Variants in GRM5 observed in about 807,000 individuals in gnomAD.
GRM5 encodes the protein metabotropic glutamate receptor 5.
A neutral mutation model predicts 83.1 loss-of-function variants in GRM5; 19 were observed. The observed-to-expected ratio is 0.23, with a 90% CI of 0.16 to 0.34. The LOEUF is 0.34. Among genes scored for constraint, GRM5 ranks in the 10% least tolerant of loss-of-function variants. GRM5 has a pLI of 1.00. For synonymous variants in GRM5, 675 were observed against 633.6 expected (o/e 1.07, Z -0.98); for missense variants, 1,160 against 1,588.3 (o/e 0.73, Z 4.58).
chr11:89,043,570 G>GTT (rs1430731713), intron 2 of GRM5, among the ~76,000 whole-genome samples: 3 of 136,452 alleles, frequency 2.2e-5, no homozygotes, highest in African/African-American at 1.0e-4. Flanking sequence ...ATTAATGCAT[G>GTT]TTATTTTTTT....
chr11:88,713,333 T>A (rs1266070116), intron 3 of GRM5, among the ~76,000 whole-genome samples: 2 of 152,054 alleles, frequency 1.3e-5, no homozygotes, highest in Non-Finnish European at 2.9e-5. Flanking sequence ...CTGATGTCTC[T>A]CCATACCTCC....
intron 2 of GRM5, among the ~76,000 whole-genome samples, chr11:88,900,426 T>C (rs1368262076): frequency 2.0e-5 from 3 of 152,176 alleles, no homozygotes; most frequent in East Asian, 1.9e-4. Context: ...TGCTTACATA[T>C]AGATATATAA....
intron 8 of GRM5, among the ~76,000 whole-genome samples, chr11:88,550,820 A>G (rs1942490614): frequency 1.3e-5 from 2 of 152,178 alleles, no homozygotes; most frequent in African/African-American, 4.8e-5. Flanking sequence ...CAAATTCTTT[A>G]CCAGTCTTTC....
At chr11:88,686,382 C>T (rs1940622367) in intron 3 of GRM5, among the ~76,000 whole-genome samples, 2 of 152,202 alleles carry the variant, frequency 1.3e-5, no homozygotes, top group Non-Finnish European at 2.9e-5. Context: ...TTTGATTTTA[C>T]AGGCTCATAG....
chr11:88,607,217 A>G (rs1037989149), intron 4 of GRM5, among the ~76,000 whole-genome samples: 2 of 152,140 alleles, frequency 1.3e-5, no homozygotes, highest in Non-Finnish European at 2.9e-5. Context: ...CCTTCCCCAC[A>G]CAGACTGGAT....
At chr11:88,565,598 A>G (rs971208648) in intron 8 of GRM5, among the ~76,000 whole-genome samples, 1 of 152,228 alleles carries the variant, frequency 6.6e-6, no homozygotes, top group Non-Finnish European at 1.5e-5. Flanking sequence ...TTTCTTAGCC[A>G]AAAGGAAAGG....
At chr11:88,953,509 C>G (rs958511661) in intron 2 of GRM5, among the ~76,000 whole-genome samples, 1 of 152,164 alleles carries the variant, frequency 6.6e-6, no homozygotes, top group Non-Finnish European at 1.5e-5. Context: ...TATATACACT[C>G]TGATGGCCTG....
chr11:88,560,104 G>C (rs1942719739), intron 8 of GRM5, among the ~76,000 whole-genome samples: 1 of 152,086 alleles, frequency 6.6e-6, no homozygotes, highest in Admixed American at 6.6e-5. Context: ...GTCAGGCAGG[G>C]GGTGGCCAGA....
At chr11:88,773,172 G>C (rs1942776605) in intron 3 of GRM5, among the ~76,000 whole-genome samples, 1 of 152,084 alleles carries the variant, frequency 6.6e-6, no homozygotes, top group Non-Finnish European at 1.5e-5. Context: ...TCTCATTGTG[G>C]TTTTGATTTG....
chr11:88,677,171 C>T (rs1050364085), intron 3 of GRM5, among the ~76,000 whole-genome samples: 1 of 151,980 alleles, frequency 6.6e-6, no homozygotes, highest in Non-Finnish European at 1.5e-5. Context: ...GATATATATA[C>T]AACATGTAAT....
chr11:88,772,757 T>C (rs1031891245), intron 3 of GRM5, among the ~76,000 whole-genome samples: 1 of 152,188 alleles, frequency 6.6e-6, no homozygotes, highest in Admixed American at 6.5e-5. Flanking sequence ...GCTTCATCCA[T>C]GTCCCTACAA....
intron 2 of GRM5, among the ~76,000 whole-genome samples, chr11:88,924,051 T>C (rs1206196264): frequency 1.3e-5 from 2 of 151,462 alleles, no homozygotes; most frequent in Admixed American, 6.6e-5. Context: ...CATGACAAGA[T>C]GTTTAATGTC....
Position 88,720,815 on chromosome 11 carries a change from T to TGTGC in GRM5, c.912-67413_912-67412insGCAC, listed in dbSNP as rs1555001337. Among the ~76,000 whole-genome samples the TGTGC allele has an allele frequency of 9.1e-4, 124 of 136,440 alleles. No individual in the cohort carries two copies. In the Middle Eastern group the frequency reaches 0.015, roughly 16 times the overall value. 89.5% of individuals were successfully genotyped at this position (136,440 alleles called of 152,430 possible). On this transcript the variant is annotated intron_variant, in intron 3 of 9. Coordinates refer to ENST00000305447, the MANE Select transcript of GRM5 (RefSeq NM_001143831.3). Reference sequence around the variant, plus strand: ...ATTACTCTGTGTGTGTGTGTGTGTGTGTGTGCGTGTGTGTGTGTGTGTGTG... The same window carrying TGTGC: ...ATTACTCTGTGTGTGTGTGTGTGTGTGTGCGTGTGCGTGTGTGTGTGTGTGTGTG...
chr11:88,632,382 G>A (rs67163709), intron 4 of GRM5, among the ~76,000 whole-genome samples: 8,972 of 151,362 alleles, frequency 0.059, 313 homozygotes, highest in East Asian at 0.18. Context: ...ATAGGTATGC[G>A]CTGTCACACC....
At chr11:88,639,763 A>G (rs898174328) in intron 4 of GRM5, among the ~76,000 whole-genome samples, 4 of 152,080 alleles carry the variant, frequency 2.6e-5, no homozygotes, top group South Asian at 2.1e-4. Context: ...AATTTTTTGT[A>G]TTCTTCAACA....
At chr11:88,667,821 A>G (rs929327337) in intron 3 of GRM5, among the ~76,000 whole-genome samples, 1 of 152,098 alleles carries the variant, frequency 6.6e-6, no homozygotes, top group Non-Finnish European at 1.5e-5. Flanking sequence ...TGAACCTGGT[A>G]GGCGGATGCT....
intron 9 of GRM5, among the ~76,000 whole-genome samples, chr11:88,516,723 G>GC (rs1555057706): frequency 0.038 from 5,710 of 148,394 alleles, 343 homozygotes; most frequent in African/African-American, 0.13. Flanking sequence ...GATTATCCTG[G>GC]TTTTTTTTTT....
Position 89,009,918 on chromosome 11 carries a change from A to AAAAAC in GRM5, c.661+37293_661+37294insGTTTT, listed in dbSNP as rs1555059687. ...TCCGTCTCAAAAAAAAAAAAAAAAA[A>AAAAAC]AAAAAAAAAAAACACACACAAAATC... On this transcript the variant is annotated intron_variant, in intron 2 of 9. Coordinates refer to ENST00000305447, the MANE Select transcript of GRM5 (RefSeq NM_001143831.3). Among the ~76,000 whole-genome samples the AAAAAC allele has an allele frequency of 2.0e-4, 27 of 136,172 alleles. 4 individuals carry two copies. The highest frequency in any genetic ancestry group is 8.6e-4 in the African/African-American group (27 of 31,518). 89.3% of individuals were successfully genotyped at this position (136,172 alleles called of 152,430 possible).
intron 8 of GRM5, among the ~76,000 whole-genome samples, chr11:88,536,703 C>T (rs1468860496): frequency 6.6e-6 from 1 of 152,014 alleles, no homozygotes; most frequent in Non-Finnish European, 1.5e-5. Flanking sequence ...TTAGTGATCA[C>T]CCAGAAACAC....
Sources: gnomAD v4.1 joint callset for allele counts (sites outside exome capture counted in the v4.1 genomes callset) on GRCh38, gnomAD v4.1.1 for gene constraint, MANE v1.5 for transcripts, NCBI Gene and HGNC (gene_info 2026-07-23, HGNC 2026-07-21) for gene names.